LANCL3: variants seen among roughly 807,000 people sequenced by gnomAD.
LANCL3 encodes the protein LanC like family member 3.
LANCL3 carries 19 observed loss-of-function variants against 26.5 expected under a neutral mutation model. The observed-to-expected ratio is 0.72, with a 90% CI of 0.50 to 1.05. The LOEUF (loss-of-function observed/expected upper bound fraction) is 1.05. Among genes scored for constraint, LANCL3 ranks in the 50% least tolerant of loss-of-function variants. LANCL3 has a pLI of 0.00. For missense variants in LANCL3, 318 were observed against 362.7 expected, an observed-to-expected ratio of 0.88 and a Z score of 1.00; for synonymous variants, 160 against 166.6, an observed-to-expected ratio of 0.96 and a Z score of 0.30.
intron 3 of LANCL3, among the ~76,000 whole-genome samples, chrX:37,664,270 G>T (rs1926487507): frequency 9.0e-6 from 1 of 111,519 alleles, no homozygotes. Context: ...CCAAGTGTGT[G>T]CTAGGGGCCC....
intron 1 of LANCL3, among the ~76,000 whole-genome samples, chrX:37,574,345 T>C (rs1295434909): frequency 9.0e-6 from 1 of 111,552 alleles, no homozygotes; most frequent in Non-Finnish European, 1.9e-5. Flanking sequence ...TTGTGTCATT[T>C]CTCTATAAAT....
At chrX:37,656,540 C>G (rs1457292091) in intron 2 of LANCL3, among the ~76,000 whole-genome samples, 1 of 112,341 alleles carries the variant, frequency 8.9e-6, no homozygotes, top group Non-Finnish European at 1.9e-5. Context: ...CATTAATCTG[C>G]TGAAAAATGT....
intron 1 of LANCL3, among the ~76,000 whole-genome samples, chrX:37,578,332 G>A (rs782255348): frequency 2.5e-4 from 28 of 111,871 alleles, no homozygotes; most frequent in East Asian, 1.7e-3. Context: ...GTACCGACAC[G>A]AAAAAAGGGA....
chrX:37,675,546 C>G (rs1282527470), intron 4 of LANCL3, 108 bp from the exon 5 acceptor site: 9 of 390,990 alleles, frequency 2.3e-5, no homozygotes, highest in Non-Finnish European at 3.8e-5. Flanking sequence ...TTATATAATT[C>G]TGGAAAGAAA....
At chrX:37,588,723 G>A (rs181409917) in intron 1 of LANCL3, among the ~76,000 whole-genome samples, 2,041 of 112,031 alleles carry the variant, frequency 0.018, 66 homozygotes, top group African/African-American at 0.063. Flanking sequence ...GAATGACTTT[G>A]GCCTGTTAAA....
intron 4 of LANCL3, among the ~76,000 whole-genome samples, chrX:37,672,309 A>T (rs1926702432): frequency 8.9e-6 from 1 of 111,839 alleles, no homozygotes; most frequent in African/African-American, 3.3e-5. Flanking sequence ...TCTTTAGACA[A>T]CTTACATTTC....
intron 1 of LANCL3, among the ~76,000 whole-genome samples, chrX:37,592,764 G>A (rs782441336): frequency 6.3e-5 from 7 of 111,069 alleles, no homozygotes; most frequent in African/African-American, 9.8e-5. Flanking sequence ...TCTAGTGGTC[G>A]GTCCCAATTA....
intron 1 of LANCL3, among the ~76,000 whole-genome samples, chrX:37,646,615 G>A (rs1190976705): frequency 8.9e-6 from 1 of 112,191 alleles, no homozygotes; most frequent in African/African-American, 3.2e-5. Flanking sequence ...GAGATGAGAT[G>A]TTTTACTACT....
At chrX:37,654,382 T>C (rs1326583005) in intron 1 of LANCL3, among the ~76,000 whole-genome samples, 2 of 112,514 alleles carry the variant, frequency 1.8e-5, no homozygotes, top group African/African-American at 6.5e-5. Context: ...GTGTCAGTTT[T>C]AGGAGAGAGG....
Position 37,634,072 on chromosome X carries a change from G to A in LANCL3, c.574-21616G>A, listed in dbSNP as rs1192420602. 4.4e-5 allele frequency among the ~76,000 whole-genome samples: 5 copies of A among 112,771 alleles called. No individual in the cohort carries two copies. The Admixed American group carries it at 4.6e-4, about 10-fold the overall frequency. ...AGAGGCAGGCAGGCCTCCTTGAGCT[G>A]TGGTGGGCTCCACCCAGTTCGAGCT... On this transcript the variant is annotated intron_variant, in intron 1 of 4. Coordinates refer to ENST00000378619, the MANE Select transcript of LANCL3 (RefSeq NM_001170331.2).
chrX:37,599,490 T>G (rs782716036), intron 1 of LANCL3, among the ~76,000 whole-genome samples: 3 of 112,137 alleles, frequency 2.7e-5, no homozygotes, highest in Non-Finnish European at 5.6e-5. Context: ...TACCACACTT[T>G]GAGAACCACT....
chrX:37,600,632 C>G (rs1334427052), intron 1 of LANCL3, among the ~76,000 whole-genome samples: 1 of 112,004 alleles, frequency 8.9e-6, no homozygotes, highest in East Asian at 2.8e-4. Flanking sequence ...GAATAATTAA[C>G]ACCCTGGTAT....
chrX:37,658,228 T>A (rs1315266762), intron 2 of LANCL3, among the ~76,000 whole-genome samples: 1 of 112,169 alleles, frequency 8.9e-6, no homozygotes, highest in African/African-American at 3.2e-5. Flanking sequence ...CTTCTATTAG[T>A]CCTTGTAGTA....
chrX:37,625,631 T>G (rs1412908966), intron 1 of LANCL3, among the ~76,000 whole-genome samples: 3 of 111,531 alleles, frequency 2.7e-5, no homozygotes. Context: ...TTCTCCATCC[T>G]TCCTTGCTGC....
intron 1 of LANCL3, among the ~76,000 whole-genome samples, chrX:37,606,777 G>C (rs782392034): frequency 8.9e-6 from 1 of 111,883 alleles, no homozygotes; most frequent in East Asian, 2.8e-4. Context: ...CAGCTTCCAC[G>C]CCCTAATCTG....
chrX:37,616,151 A>G (rs1048439634), intron 1 of LANCL3, among the ~76,000 whole-genome samples: 4 of 111,404 alleles, frequency 3.6e-5, no homozygotes, highest in South Asian at 3.8e-4. Flanking sequence ...AGTGTTCTCT[A>G]TAACAATTCA....
At chrX:37,624,128 AT>A (rs1271873195) in intron 1 of LANCL3, among the ~76,000 whole-genome samples, 1 of 111,416 alleles carries the variant, frequency 9.0e-6, no homozygotes, top group East Asian at 2.8e-4. Context: ...AATTAAGACA[AT>A]TTTTTATCAA....
rs371828928 is a variant in LANCL3 at position 37,682,242 on chromosome X, A to G, written c.*6429A>G. On this transcript the variant is annotated 3_prime_UTR_variant, in exon 5 of 5. Transcript: ENST00000378619. ...CTCAGCCTCCCAAGTAGCTGGGACT[A>G]CAGGCGCCCGCCACTACGCCCGGCT... The G allele has an allele frequency of 3.8e-5, 4 of 106,286 alleles. No individual in the cohort carries two copies. The East Asian group carries it at 1.2e-3, about 31-fold the overall frequency. 8.8% of individuals were successfully genotyped at this position (106,286 alleles called of 1,213,427 possible).
At chrX:37,575,535 G>A (rs1305300074) in intron 1 of LANCL3, among the ~76,000 whole-genome samples, 1 of 111,649 alleles carries the variant, frequency 9.0e-6, no homozygotes, top group African/African-American at 3.3e-5. Flanking sequence ...CATGTTTAAA[G>A]AAATCCTTTC....
Sources: gnomAD v4.1 joint callset for allele counts (sites outside exome capture counted in the v4.1 genomes callset) on GRCh38, gnomAD v4.1.1 for gene constraint, MANE v1.5 for transcripts, NCBI Gene and HGNC (gene_info 2026-07-23, HGNC 2026-07-21) for gene names.